Variants in SUGCT observed in about 807,000 individuals in gnomAD.
SUGCT encodes the protein succinyl-CoA:glutarate-CoA transferase, also known as succinyl-CoA:glutarate CoA-transferase.
Under a neutral mutation model 55.0 loss-of-function variants are expected in SUGCT, and 41 were observed. The ratio of observed to expected loss-of-function variants is 0.74; its 90% confidence interval spans 0.58 to 0.97. The LOEUF (loss-of-function observed/expected upper bound fraction) is 0.97, where lower values mean the gene tolerates loss of function less well. Among genes scored for constraint, SUGCT ranks in the 50% least tolerant of loss-of-function variants. The probability of loss-of-function intolerance (pLI) is 0.00; values close to 1 mark genes in which losing one functional copy is unlikely to be tolerated. For synonymous variants in SUGCT, 187 were observed against 200.4 expected, an observed-to-expected ratio of 0.93 and a Z score of 0.56; for missense variants, 568 against 547.8, an observed-to-expected ratio of 1.04 and a Z score of -0.37.
chr7:40,779,819 C>T (rs755717076), intron 13 of SUGCT, among the ~76,000 whole-genome samples: 6 of 152,084 alleles, frequency 3.9e-5, no homozygotes, highest in Non-Finnish European at 8.8e-5. Context: ...AAAAATAAAG[C>T]TTCAGGACAA....
intron 1 of SUGCT, among the ~76,000 whole-genome samples, chr7:40,176,226 G>GA (rs60639549): frequency 4.4e-4 from 61 of 137,586 alleles, no homozygotes; most frequent in Middle Eastern, 3.6e-3. Context: ...CATCTCAAAA[G>GA]AAAAAAAAAA....
chr7:40,810,149 A>G (rs1356040671), intron 13 of SUGCT, among the ~76,000 whole-genome samples: 1 of 151,294 alleles, frequency 6.6e-6, no homozygotes, highest in Non-Finnish European at 1.5e-5. Flanking sequence ...TCTTTGAGAC[A>G]GGGTCTGGTT....
intron 3 of SUGCT, 82 bp downstream of exon 3, chr7:40,182,110 T>A: frequency 1.3e-6 from 1 of 763,506 alleles, no homozygotes; most frequent in Non-Finnish European, 2.2e-6. Context: ...ATGTTTAGTG[T>A]ACCTATAAGT....
the SUGCT span, among the ~76,000 whole-genome samples, chr7:41,011,369 G>A: frequency 6.6e-5 from 10 of 152,352 alleles, no homozygotes; most frequent in East Asian, 1.7e-3. Flanking sequence ...AGACAAAAGG[G>A]AAGTGAGAAG....
intron 13 of SUGCT, among the ~76,000 whole-genome samples, chr7:40,775,869 A>AAGTTCT (rs1789422762): frequency 6.6e-6 from 1 of 152,210 alleles, no homozygotes; most frequent in Admixed American, 6.5e-5. Flanking sequence ...AACACAGATA[A>AAGTTCT]GGCTTTCAGA....
the SUGCT span, among the ~76,000 whole-genome samples, chr7:40,954,785 C>T: frequency 6.6e-6 from 1 of 152,062 alleles, no homozygotes; most frequent in African/African-American, 2.4e-5. Context: ...TATGTTTAAA[C>T]ATTTAATCCA....
chr7:40,204,444 A>T (rs2150774071), intron 6 of SUGCT, among the ~76,000 whole-genome samples: 2 of 151,968 alleles, frequency 1.3e-5, no homozygotes, highest in South Asian at 4.2e-4. Flanking sequence ...CTGGGACTAC[A>T]GGTGCCCGCC....
At chr7:40,596,630 A>C (rs1047879559) in intron 12 of SUGCT, among the ~76,000 whole-genome samples, 2 of 152,154 alleles carry the variant, frequency 1.3e-5, no homozygotes, top group East Asian at 3.8e-4. Flanking sequence ...TATCTTTGGA[A>C]ACTTGGACAT....
At chr7:40,987,898 T>C in the SUGCT span, among the ~76,000 whole-genome samples, 1 of 152,088 alleles carries the variant, frequency 6.6e-6, no homozygotes, top group South Asian at 2.1e-4. Flanking sequence ...CTATGTGAAA[T>C]CATTCTTAAA....
intron 9 of SUGCT, among the ~76,000 whole-genome samples, chr7:40,334,122 G>T (rs572166738): frequency 6.6e-6 from 1 of 152,116 alleles, no homozygotes. Flanking sequence ...TGGTGTATAT[G>T]TGCCACATTT....
chr7:41,007,054 A>T, the SUGCT span, among the ~76,000 whole-genome samples: 71 of 151,798 alleles, frequency 4.7e-4, no homozygotes, highest in Non-Finnish European at 7.1e-4. Context: ...TCTGGAAAAA[A>T]TTTTCATTTT....
chr7:40,269,106 C>T (rs1791817376), intron 7 of SUGCT, among the ~76,000 whole-genome samples: 1 of 152,118 alleles, frequency 6.6e-6, no homozygotes, highest in African/African-American at 2.4e-5. Flanking sequence ...TCCTTCTTGA[C>T]ACTTGTTATT....
In SUGCT at chr7:40,495,227, CT is replaced by C. The variant is rs79094909; in HGVS notation, c.987-1042del. Among the ~76,000 whole-genome samples, 932 of 138,372 alleles carry C rather than the reference CT, an allele frequency of 6.7e-3. 1 individual carries two copies. Among genetic ancestry groups the C allele is most frequent in the African/African-American group, 0.011 (423 of 37,870 alleles). The allele number at this position is 138,372 out of a possible 152,430, so 90.8% of individuals were successfully genotyped here. On this transcript the variant is annotated intron_variant, in intron 11 of 13. Transcript: ENST00000335693. Reference sequence around the variant, plus strand: ...ACGCCCGGCTGAAACTATTTCTATGCTTTTTTTTTTTTTTTAATGGTGAAAG... The same window carrying C: ...ACGCCCGGCTGAAACTATTTCTATGCTTTTTTTTTTTTTTAATGGTGAAAG...
chr7:40,779,018 G>A (rs961294375), intron 13 of SUGCT, among the ~76,000 whole-genome samples: 1 of 152,150 alleles, frequency 6.6e-6, no homozygotes, highest in East Asian at 1.9e-4. Context: ...TCTGAGCAGA[G>A]ACCCTGGGGA....
At chr7:40,273,414 T>TG (rs1792242354) in intron 7 of SUGCT, among the ~76,000 whole-genome samples, 1 of 152,162 alleles carries the variant, frequency 6.6e-6, no homozygotes, top group South Asian at 2.1e-4. Flanking sequence ...ATCAGCCAGA[T>TG]GAAGTATGAA....
the SUGCT span, among the ~76,000 whole-genome samples, chr7:41,017,089 T>A: frequency 1.3e-5 from 2 of 152,252 alleles, no homozygotes; most frequent in Non-Finnish European, 2.9e-5. Context: ...CTTACCATTC[T>A]CTTTTTGCTT....
chr7:40,338,120 T>TG (rs1435634574), intron 9 of SUGCT, among the ~76,000 whole-genome samples: 1 of 152,236 alleles, frequency 6.6e-6, no homozygotes. Flanking sequence ...ATAGATCCGC[T>TG]GTTAGTCTGA....
chr7:40,578,508 C>G lies in SUGCT; in HGVS notation c.1089+82122C>G, dbSNP rs79711516. Among the ~76,000 whole-genome samples the G allele has an allele frequency of 3.0e-3, 458 of 152,186 alleles. 7 individuals carry two copies. The highest frequency in any genetic ancestry group is 0.03 in the East Asian group (153 of 5,174). ...CCACTGCTCTAATCACAAGCCTCACCCCTCATTGGAAGAGTTTGGTACTAG... is the reference window on the plus strand; with the variant it reads ...CCACTGCTCTAATCACAAGCCTCACGCCTCATTGGAAGAGTTTGGTACTAG... On this transcript the variant is annotated intron_variant, in intron 12 of 13. Transcript: ENST00000335693.
chr7:40,537,850 A>C (rs1459694709), intron 12 of SUGCT, among the ~76,000 whole-genome samples: 1 of 152,234 alleles, frequency 6.6e-6, no homozygotes, highest in African/African-American at 2.4e-5. Flanking sequence ...ATTTAACTAC[A>C]TTATGAGCAA....
Sources: gnomAD v4.1 joint callset for allele counts (sites outside exome capture counted in the v4.1 genomes callset) on GRCh38, gnomAD v4.1.1 for gene constraint, MANE v1.5 for transcripts, NCBI Gene and HGNC (gene_info 2026-07-23, HGNC 2026-07-21) for gene names.